TESPA1: variants seen among roughly 807,000 people sequenced by gnomAD.
The protein encoded by TESPA1 is protein TESPA1.
In TESPA1, 33 loss-of-function variants were observed where a neutral mutation model predicts 57.9. The ratio of observed to expected loss-of-function variants is 0.57; its 90% CI spans 0.43 to 0.76. The LOEUF is 0.76. Among genes scored for constraint, TESPA1 ranks in the 30% least tolerant of loss-of-function variants. The pLI, the probability that TESPA1 is intolerant of heterozygous loss-of-function variation, is 0.00. For synonymous variants in TESPA1, 227 were observed against 228.9 expected (o/e 0.99, Z 0.07); for missense variants, 618 against 632.9 (o/e 0.98, Z 0.25).
rs1373402310 is a variant in TESPA1 at position 54,949,303 on chromosome 12, T to C, written c.*1089A>G. ...CCAGAACAAAATCAACTTCTGCTTA[T>C]CATGTCTGGTGTAATTTTTTCCTTT... On this transcript the variant is annotated 3_prime_UTR_variant, in exon 11 of 11. Transcript: ENST00000449076. 3 of 152,082 alleles carry C rather than the reference T, an allele frequency of 2.0e-5. No individual in the cohort carries two copies. Among genetic ancestry groups the C allele is most frequent in the African/African-American group, 4.8e-5 (2 of 41,408 alleles). 9.4% of individuals were successfully genotyped at this position (152,082 alleles called of 1,614,324 possible). A position where few individuals can be genotyped will look rare whatever the true frequency, so the allele number is the denominator to read the frequency against.
chr12:54,967,539 C>T (rs1592376433), intron 4 of TESPA1, among the ~76,000 whole-genome samples: 1 of 152,118 alleles, frequency 6.6e-6, no homozygotes, highest in African/African-American at 2.4e-5. Flanking sequence ...GATGTGCACT[C>T]ACACCCATAT....
At position 54,949,641 on chromosome 12, in the gene TESPA1, A is replaced by T. The variant is rs1950264195; in HGVS notation, c.*751T>A. The T allele has an allele frequency of 6.6e-6, 1 of 152,514 alleles. No homozygotes were observed. Among genetic ancestry groups the T allele is most frequent in the Non-Finnish European group, 1.5e-5 (1 of 68,046 alleles). The allele number at this position is 152,514 out of a possible 1,614,324, so 9.4% of individuals were successfully genotyped here. Reference sequence around the variant, plus strand: ...TAAAAACATGCCATGATTTAAAAAAAATATTTGTATTGTTTTCTGCCAACA... The same window carrying T: ...TAAAAACATGCCATGATTTAAAAAATATATTTGTATTGTTTTCTGCCAACA... On this transcript the variant is annotated 3_prime_UTR_variant, in exon 11 of 11. Transcript: ENST00000449076.
intron 10 of TESPA1, 111 bp downstream of exon 10, chr12:54,961,057 A>T: frequency 8.1e-7 from 1 of 1,233,568 alleles, no homozygotes; most frequent in Non-Finnish European, 1.2e-6. Context: ...CAATTAAATC[A>T]GAATTACAGA....
intron 3 of TESPA1, among the ~76,000 whole-genome samples, chr12:54,970,537 C>T (rs1565862631): frequency 1.3e-5 from 2 of 152,140 alleles, no homozygotes; most frequent in Non-Finnish European, 2.9e-5. Context: ...GTGGAACCTA[C>T]AACAGCAGTG....
intron 9 of TESPA1, among the ~76,000 whole-genome samples, 163 bp downstream of exon 9, chr12:54,962,268 T>G (rs547958450): frequency 3.3e-5 from 5 of 152,188 alleles, no homozygotes; most frequent in Non-Finnish European, 5.9e-5. Flanking sequence ...CTCTGTCTCT[T>G]TCTCCCTGTA....
At chr12:54,966,965 A>G (rs1951479171) in intron 5 of TESPA1, among the ~76,000 whole-genome samples, 1 of 152,142 alleles carries the variant, frequency 6.6e-6, no homozygotes, top group Admixed American at 6.5e-5. Context: ...CCAGTGATGA[A>G]CCAGTAAGAG....
intron 1 of TESPA1, among the ~76,000 whole-genome samples, chr12:54,979,943 T>C (rs1952253987): frequency 2.0e-5 from 3 of 152,208 alleles, no homozygotes; most frequent in African/African-American, 7.2e-5. Flanking sequence ...TGTAAACTGC[T>C]TAACTTAATC....
chr12:54,964,636 G>A (rs1413877130), intron 7 of TESPA1, among the ~76,000 whole-genome samples: 2 of 152,212 alleles, frequency 1.3e-5, no homozygotes, highest in African/African-American at 4.8e-5. Flanking sequence ...AAGGGAAGCT[G>A]TTATTATTTG....
chr12:54,980,507 G>T (rs1952276078), intron 1 of TESPA1, among the ~76,000 whole-genome samples: 1 of 152,218 alleles, frequency 6.6e-6, no homozygotes, highest in Admixed American at 6.5e-5. Context: ...AATGAGAGCT[G>T]ATACCATCAC....
At chr12:54,965,140 A>C (rs1951342521) in intron 7 of TESPA1, among the ~76,000 whole-genome samples, 1 of 152,110 alleles carries the variant, frequency 6.6e-6, no homozygotes, top group Non-Finnish European at 1.5e-5. Flanking sequence ...GAAATCATTC[A>C]GCTCCTGGGA....
chr12:54,980,468 T>C (rs1279559772), intron 1 of TESPA1, among the ~76,000 whole-genome samples: 1 of 152,198 alleles, frequency 6.6e-6, no homozygotes, highest in Admixed American at 6.5e-5. Context: ...ATTCAGAATA[T>C]TTCATAACGG....
intron 3 of TESPA1, among the ~76,000 whole-genome samples, chr12:54,970,583 C>T (rs976981567): frequency 2.1e-4 from 32 of 152,216 alleles, no homozygotes; most frequent in African/African-American, 6.7e-4. Context: ...GCTTTCTCAC[C>T]GAGCACAATG....
intron 10 of TESPA1, among the ~76,000 whole-genome samples, chr12:54,951,443 T>C (rs1385398572): frequency 6.6e-6 from 1 of 152,224 alleles, no homozygotes; most frequent in Non-Finnish European, 1.5e-5. Context: ...AAGAGACTCA[T>C]ACAATTCCTT....
rs568620057 is a variant in TESPA1, at chr12:54,961,235, C to T, written c.1500G>A (p.Gln500=). ...GCCTGGGTCTGCTGGGCCAGCGACT[C>T]TGACTCTGCTCCTCCTCACTGTTGC... ...VQSNSEEEQS[Q]SRWPSRPRHP... The change falls in exon 10 of 11, where the codon CAG becomes CAA. Residue 500 remains glutamine (Q), a synonymous_variant. Transcript: ENST00000449076. 1 of 1,613,954 alleles carries T rather than the reference C, an allele frequency of 6.2e-7. No homozygotes were observed. Among genetic ancestry groups the T allele is most frequent in the African/African-American group, 1.3e-5 (1 of 75,022 alleles).
intron 1 of TESPA1, among the ~76,000 whole-genome samples, chr12:54,980,013 T>C (rs1952255800): frequency 6.6e-6 from 1 of 152,220 alleles, no homozygotes; most frequent in East Asian, 1.9e-4. Context: ...ACGTTATTTG[T>C]CCAAGGCCAC....
intron 1 of TESPA1, among the ~76,000 whole-genome samples, chr12:54,982,697 C>T (rs1220705091): frequency 6.6e-6 from 1 of 152,214 alleles, no homozygotes; most frequent in Non-Finnish European, 1.5e-5. Context: ...TTATAGATGG[C>T]TTCATCAAGA....
At chr12:54,977,225 A>C (rs1232261734) in intron 1 of TESPA1, among the ~76,000 whole-genome samples, 1 of 152,154 alleles carries the variant, frequency 6.6e-6, no homozygotes, top group East Asian at 1.9e-4. Context: ...AGAATCTCAC[A>C]CATTGTAACC....
chr12:54,975,782 A>G (rs1009576383), intron 1 of TESPA1, among the ~76,000 whole-genome samples: 1 of 152,262 alleles, frequency 6.6e-6, no homozygotes, highest in Non-Finnish European at 1.5e-5. Flanking sequence ...TGAGGCATCC[A>G]ACAAAATAGG....
At chr12:54,983,157 T>C (rs1276192258) in intron 1 of TESPA1, among the ~76,000 whole-genome samples, 1 of 152,158 alleles carries the variant, frequency 6.6e-6, no homozygotes, top group Non-Finnish European at 1.5e-5. Context: ...GAACTGAAAA[T>C]GACGGTTGGG....
Sources: allele counts gnomAD v4.1 joint callset (sites outside exome capture counted in the v4.1 genomes callset), GRCh38; gene constraint gnomAD v4.1.1; transcripts MANE v1.5; gene names NCBI Gene and HGNC (gene_info 2026-07-23, HGNC 2026-07-21).